XIAP: variants seen among roughly 807,000 people sequenced by gnomAD.
XIAP encodes the protein E3 ubiquitin-protein ligase XIAP.
A neutral mutation model predicts 33.1 loss-of-function variants in XIAP; 3 were observed. The observed-to-expected ratio is 0.09, with a 90% confidence interval of 0.04 to 0.23. XIAP has a LOEUF of 0.23. XIAP is among the 10% of genes least tolerant of loss of function. The pLI is 1.00. For synonymous variants in XIAP, 98 were observed against 121.3 expected (o/e 0.81, Z 1.26); for missense variants, 264 against 363.0 (o/e 0.73, Z 2.22).
intron 1 of XIAP, among the ~76,000 whole-genome samples, chrX:123,862,312 A>G (rs960850635): frequency 1.9e-5 from 2 of 106,107 alleles, no homozygotes; most frequent in African/African-American, 3.5e-5. Context: ...CAGGTGATGC[A>G]CCCGCCTCGG....
chrX:123,880,657 G>A (rs1202241803), intron 1 of XIAP, among the ~76,000 whole-genome samples: 1 of 103,272 alleles, frequency 9.7e-6, no homozygotes, highest in Non-Finnish European at 2.0e-5. Flanking sequence ...GAATGGCTTG[G>A]ACCTGGGAGG....
intron 1 of XIAP, among the ~76,000 whole-genome samples, chrX:123,885,294 GT>G (rs2148088915): frequency 9.0e-6 from 1 of 111,532 alleles, no homozygotes; most frequent in East Asian, 2.8e-4. Context: ...ATGCTTTCAT[GT>G]TTTTCCTAAT....
chrX:123,898,364 TG>T (rs2053479094), intron 5 of XIAP, among the ~76,000 whole-genome samples: 1 of 111,256 alleles, frequency 9.0e-6, no homozygotes, highest in Non-Finnish European at 1.9e-5. Context: ...TTGTTTGTTT[TG>T]TTTTTTTGTT....
intron 3 of XIAP, among the ~76,000 whole-genome samples, chrX:123,889,606 C>G (rs2053386067): frequency 9.1e-6 from 1 of 109,324 alleles, no homozygotes; most frequent in Non-Finnish European, 1.9e-5. Context: ...CAATCTCCGC[C>G]TCCTGGGTTC....
chrX:123,889,850 G>A (rs983762355), intron 3 of XIAP, among the ~76,000 whole-genome samples: 17 of 109,906 alleles, frequency 1.5e-4, no homozygotes, highest in Non-Finnish European at 3.0e-4. Context: ...ATACAGATTA[G>A]GAAATGTGTG....
In XIAP at chrX:123,886,846, C is replaced by T. The variant is rs55895626; in HGVS notation, c.877+307C>T. 8.8e-3 allele frequency among the ~76,000 whole-genome samples: 980 copies of T among 111,327 alleles called. 5 individuals are homozygous for T. The highest frequency in any genetic ancestry group is 0.012 in the Non-Finnish European group (632 of 53,062). On this transcript the variant is annotated intron_variant, in intron 2 of 6. Transcript: ENST00000371199. ...AAATGGGTCTAATAGTAATATTAAC[C>T]ATCATTTATTGAGCACTTACTATAA...
rs1344809985 is a variant in XIAP at position 123,910,457 on chromosome X, C to T, written c.*3276C>T. The T allele has an allele frequency of 3.1e-6, 1 of 327,255 alleles. No homozygotes were observed. The highest frequency in any genetic ancestry group is 2.7e-5 in the African/African-American group (1 of 37,410). 27.0% of individuals were successfully genotyped at this position (327,255 alleles called of 1,213,427 possible). A position where few individuals can be genotyped will look rare whatever the true frequency, so the allele number is the denominator to read the frequency against. ...CCAGCATTAGTTTCACATGATATAC[C>T]CTTTAAACCCGAATCATTGTTTTAT... On this transcript the variant is annotated 3_prime_UTR_variant, in exon 7 of 7. Transcript: ENST00000371199.
intron 5 of XIAP, among the ~76,000 whole-genome samples, chrX:123,895,715 A>G (rs942669068): frequency 3.6e-5 from 3 of 83,218 alleles, no homozygotes; most frequent in Non-Finnish European, 4.7e-5. Flanking sequence ...TCATGTGCCT[A>G]TTGGCCATTT....
intron 1 of XIAP, among the ~76,000 whole-genome samples, chrX:123,867,351 G>A (rs1166364288): frequency 2.9e-5 from 3 of 102,517 alleles, no homozygotes; most frequent in Non-Finnish European, 3.9e-5. Context: ...GAGCCACTGC[G>A]CCCAGCAGTC....
intron 5 of XIAP, among the ~76,000 whole-genome samples, chrX:123,895,942 AGTAGGGACGG>A (rs2053456088): frequency 9.0e-6 from 1 of 110,583 alleles, no homozygotes; most frequent in Admixed American, 9.7e-5. Context: ...TTGTATTTTT[AGTAGGGACGG>A]GGTTTCGCTA....
Position 123,912,267 on chromosome X carries a change from AG to A in XIAP, c.*5087del. 3.2e-6 allele frequency: 1 copy of A among 312,045 alleles called. No homozygotes were observed. 25.7% of individuals were successfully genotyped at this position (312,045 alleles called of 1,213,427 possible). ...AAAAAAAAAATACAAAATAATACAA[AG>A]AAAAAGCCAAAATTGTCATACTGTT... On this transcript the variant is annotated 3_prime_UTR_variant, in exon 7 of 7. Coordinates refer to ENST00000371199, the MANE Select transcript of XIAP (RefSeq NM_001167.4).
At chrX:123,883,168 C>T (rs188221082) in intron 1 of XIAP, among the ~76,000 whole-genome samples, 77 of 109,982 alleles carry the variant, frequency 7.0e-4, no homozygotes, top group African/African-American at 2.3e-3. Flanking sequence ...CTGCAACCTC[C>T]GCTCCCCGGG....
Position 123,893,856 on chromosome X carries a change from GA to G in XIAP, c.1099+1092del, listed in dbSNP as rs771456248. Among the ~76,000 whole-genome samples, 33 of 110,379 alleles carry G rather than the reference GA, an allele frequency of 3.0e-4. 1 individual carries two copies. Among genetic ancestry groups the G allele is most frequent in the African/African-American group, 5.9e-4 (18 of 30,477 alleles). On this transcript the variant is annotated intron_variant, in intron 5 of 6. Coordinates refer to ENST00000371199, the MANE Select transcript of XIAP (RefSeq NM_001167.4). ...ACTCCATCTCAAAAAGAAAATAAAA[GA>G]AAAAAAAATCAGTCAGACGTGTCTG... is the stretch of plus-strand genomic sequence containing the variant.
intron 6 of XIAP, among the ~76,000 whole-genome samples, chrX:123,901,820 T>C (rs1027748251): frequency 8.1e-5 from 9 of 110,818 alleles, no homozygotes; most frequent in Non-Finnish European, 1.1e-4. Context: ...ATTGTCATCT[T>C]TCTTTCTTTT....
At chrX:123,874,282 A>C (rs996791523) in intron 1 of XIAP, among the ~76,000 whole-genome samples, 5 of 112,131 alleles carry the variant, frequency 4.5e-5, no homozygotes, top group African/African-American at 1.3e-4. Flanking sequence ...TTTGCTGTAT[A>C]GAATTTAGAA....
At chrX:123,875,455 T>G (rs777762579) in intron 1 of XIAP, among the ~76,000 whole-genome samples, 2 of 112,285 alleles carry the variant, frequency 1.8e-5, no homozygotes, top group South Asian at 7.3e-4. Flanking sequence ...GATGTACCAG[T>G]TTTTAGTTCT....
chrX:123,867,049 C>CCCCT (rs35471589), intron 1 of XIAP, among the ~76,000 whole-genome samples: 1 of 55,075 alleles, frequency 1.8e-5, no homozygotes, highest in Non-Finnish European at 3.4e-5. Flanking sequence ...CCCCCCCCCC[C>CCCCT]TTCAACATTC....
chrX:123,907,106 A>G lies in XIAP; in HGVS notation c.1419A>G (p.Gln473=), dbSNP rs2053560718. 4 of 1,210,349 alleles carry G rather than the reference A, an allele frequency of 3.3e-6. No individual in the cohort carries two copies. The highest frequency in any genetic ancestry group is 1.7e-5 in the African/African-American group (1 of 57,361). The part of the protein sequence containing the change: ...VPCGHLVTCK[Q]CAEAVDKCPM... ...GTGGACATCTAGTCACTTGTAAACA[A>G]TGTGCTGAAGCAGTTGACAAGTGTC... is the stretch of plus-strand genomic sequence containing the variant. The change falls in exon 7 of 7, where the codon CAA becomes CAG. Residue 473 remains glutamine, a synonymous_variant. Transcript: ENST00000371199.
At chrX:123,899,428 A>G (rs1176140455) in intron 5 of XIAP, among the ~76,000 whole-genome samples, 1 of 105,912 alleles carries the variant, frequency 9.4e-6, no homozygotes, top group African/African-American at 3.4e-5. Flanking sequence ...ATTAAAATGT[A>G]TATGTTAAAA....
Sources: gnomAD v4.1 joint callset for allele counts (sites outside exome capture counted in the v4.1 genomes callset) on GRCh38, gnomAD v4.1.1 for gene constraint, MANE v1.5 for transcripts, NCBI Gene and HGNC (gene_info 2026-07-23, HGNC 2026-07-21) for gene names.